GABRR1: variants seen among roughly 807,000 people sequenced by gnomAD.
The protein encoded by GABRR1 is gamma-aminobutyric acid receptor subunit rho-1.
GABRR1 carries 59 observed loss-of-function variants against 55.5 expected under a neutral mutation model. That is an observed-to-expected ratio of 1.06 (90% CI 0.86 to 1.32). The LOEUF is 1.32. Ranked by LOEUF, GABRR1 falls within the 40% of genes most tolerant of loss-of-function variation. The pLI, the probability that GABRR1 is intolerant of heterozygous loss-of-function variation, is 0.00. For synonymous variants in GABRR1, 213 were observed against 226.0 expected, an observed-to-expected ratio of 0.94 and a Z score of 0.51; for missense variants, 602 against 619.1, an observed-to-expected ratio of 0.97 and a Z score of 0.29.
chr6:89,202,717 G>A (rs4706337), intron 2 of GABRR1, among the ~76,000 whole-genome samples: 104,483 of 151,744 alleles, frequency 0.69, 36,240 homozygotes, highest in East Asian at 0.92. Flanking sequence ...TTTATTTTTA[G>A]AGACAGGGTC....
At chr6:89,210,409 G>A (rs892328853) in intron 1 of GABRR1, among the ~76,000 whole-genome samples, 1 of 151,882 alleles carries the variant, frequency 6.6e-6, no homozygotes, top group Non-Finnish European at 1.5e-5. Context: ...GCCTAGGCTG[G>A]TCTCTAACTC....
chr6:89,220,082 T>C (rs570633408), upstream of GABRR1, among the ~76,000 whole-genome samples: 196 of 152,310 alleles, frequency 1.3e-3, 1 homozygote, highest in African/African-American at 4.3e-3. Context: ...ATTCTGGAGC[T>C]GAGTACATCA....
At chr6:89,194,752 T>C (rs1018100415) in intron 5 of GABRR1, among the ~76,000 whole-genome samples, 2 of 152,038 alleles carry the variant, frequency 1.3e-5, no homozygotes, top group East Asian at 1.9e-4. Context: ...AAGAACTCTT[T>C]AGAGGCTCTC....
At chr6:89,188,102 C>T (rs1269039889) in intron 6 of GABRR1, among the ~76,000 whole-genome samples, 3 of 152,036 alleles carry the variant, frequency 2.0e-5, no homozygotes, top group African/African-American at 7.2e-5. Flanking sequence ...CTGCAGCCTG[C>T]AGCCTCAGGC....
At chr6:89,179,524 A>G (rs961381560) in intron 9 of GABRR1, among the ~76,000 whole-genome samples, 1 of 152,296 alleles carries the variant, frequency 6.6e-6, no homozygotes, top group Non-Finnish European at 1.5e-5. Context: ...CCAGCCTGGT[A>G]TCCATTTTTG....
chr6:89,185,524 T>C, intron 6 of GABRR1, 74 bp from the exon 7 acceptor site: 1 of 1,360,422 alleles, frequency 7.4e-7, no homozygotes, highest in Non-Finnish European at 1.0e-6. Flanking sequence ...ATGTAGAAGC[T>C]GTGTCCTGAC....
At chr6:89,197,923 A>C in intron 5 of GABRR1, 97 bp downstream of exon 5, 1 of 957,458 alleles carries the variant, frequency 1.0e-6, no homozygotes, top group Non-Finnish European at 1.7e-6. Context: ...AACTACTGAA[A>C]AGTTAGAAAG....
rs200420447 is a variant in GABRR1, at chr6:89,198,201, C to T, written c.391G>A (p.Glu131Lys). 8 of 1,614,088 alleles carry T rather than the reference C, an allele frequency of 5.0e-6. No individual in the cohort carries two copies. The highest frequency in any genetic ancestry group is 1.1e-5 in the South Asian group (1 of 91,082). The stretch of plus-strand genomic sequence containing the variant: ...TTGGTGCTTGGAAAAGACAGCCTCT[C>T]GTCCTTCCAGTAGTGCCTCAGGTAG... ...TLYLRHYWKD[E>K]RLSFPSTNNL... The change falls in exon 5 of 10, where the codon GAG (glutamate) becomes AAG (lysine). Residue 131 changes from glutamate (E) to lysine (K), a missense_variant. Coordinates refer to ENST00000454853, the MANE Select transcript of GABRR1 (RefSeq NM_002042.5).
intron 1 of GABRR1, among the ~76,000 whole-genome samples, chr6:89,209,847 T>TG (rs1562310726): frequency 6.6e-6 from 1 of 152,062 alleles, no homozygotes; most frequent in African/African-American, 2.4e-5. Context: ...TCCTATAAGA[T>TG]GGGGGGAATA....
chr6:89,180,724 A>G (rs1289135106), intron 8 of GABRR1, among the ~76,000 whole-genome samples: 1 of 152,144 alleles, frequency 6.6e-6, no homozygotes, highest in Non-Finnish European at 1.5e-5. Context: ...CTGTGTATTC[A>G]TCGTAGCATC....
chr6:89,193,967 C>T (rs1040783752), intron 5 of GABRR1, among the ~76,000 whole-genome samples: 5 of 152,144 alleles, frequency 3.3e-5, no homozygotes, highest in Non-Finnish European at 7.3e-5. Context: ...CTCATGACTT[C>T]TACACTGGAA....
intron 1 of GABRR1, chr6:89,204,800 A>G: frequency 2.6e-6 from 1 of 388,736 alleles, no homozygotes; most frequent in Non-Finnish European, 4.2e-6. Flanking sequence ...AAAAAAATTT[A>G]GAAAATAGAT....
intron 6 of GABRR1, among the ~76,000 whole-genome samples, chr6:89,186,008 T>C (rs1253712565): frequency 5.3e-5 from 8 of 152,170 alleles, no homozygotes; most frequent in Admixed American, 5.2e-4. Context: ...TCGAAGTGAA[T>C]CCATGATCAT....
chr6:89,217,006 A>G (rs1004477320), intron 1 of GABRR1, among the ~76,000 whole-genome samples, 195 bp downstream of exon 1: 11 of 152,218 alleles, frequency 7.2e-5, no homozygotes, highest in African/African-American at 2.7e-4. Context: ...GATCTAATCT[A>G]GCATCATTTT....
chr6:89,202,844 G>T (rs1350275822), intron 2 of GABRR1, among the ~76,000 whole-genome samples: 1 of 152,060 alleles, frequency 6.6e-6, no homozygotes, highest in African/African-American at 2.4e-5. Flanking sequence ...CTCCCAAGTA[G>T]CTGGGACTAC....
intron 1 of GABRR1, among the ~76,000 whole-genome samples, chr6:89,209,262 TA>T (rs946348055): frequency 6.6e-6 from 1 of 152,156 alleles, no homozygotes; most frequent in African/African-American, 2.4e-5. Context: ...CGGGTTACTT[TA>T]TTTTTTTTAA....
At chr6:89,187,299 G>A (rs73754866) in intron 6 of GABRR1, among the ~76,000 whole-genome samples, 8,134 of 151,900 alleles carry the variant, frequency 0.054, 715 homozygotes, top group African/African-American at 0.19. Flanking sequence ...CAGTGGTATT[G>A]CACTACATTC....
intron 1 of GABRR1, chr6:89,204,667 C>T: frequency 7.8e-7 from 1 of 1,288,134 alleles, no homozygotes; most frequent in South Asian, 1.2e-5. Context: ...TGAGATGCCA[C>T]TGCCTTTGCC....
intron 5 of GABRR1, among the ~76,000 whole-genome samples, chr6:89,193,425 A>G (rs1327219228): frequency 6.6e-6 from 1 of 151,864 alleles, no homozygotes; most frequent in Non-Finnish European, 1.5e-5. Context: ...CAAACTCATC[A>G]CTTTATTTGC....
Sources: allele counts gnomAD v4.1 joint callset (sites outside exome capture counted in the v4.1 genomes callset), GRCh38; gene constraint gnomAD v4.1.1; transcripts MANE v1.5; gene names NCBI Gene and HGNC (gene_info 2026-07-23, HGNC 2026-07-21).